DCN: variants seen among roughly 807,000 people sequenced by gnomAD.
DCN encodes decorin.
In DCN, 17 loss-of-function variants were observed where a neutral mutation model predicts 36.5. That is an observed-to-expected ratio of 0.47 (90% CI 0.32 to 0.70). The LOEUF (loss-of-function observed/expected upper bound fraction) is 0.70. Among genes scored for constraint, DCN ranks in the 30% least tolerant of loss-of-function variants. DCN has a pLI of 0.04. For missense variants in DCN, 389 were observed against 430.1 expected, an observed-to-expected ratio of 0.90 and a Z score of 0.84; for synonymous variants, 163 against 161.4, an observed-to-expected ratio of 1.01 and a Z score of -0.07.
At chr12:91,172,883 T>A (rs1463870606) in intron 2 of DCN, 13 of 613,426 alleles carry the variant, frequency 2.1e-5, no homozygotes, top group South Asian at 6.0e-5. Flanking sequence ...TGAAAAAAAA[T>A]AAAATAGATA....
At chr12:91,173,850 T>C (rs1883126891) in intron 2 of DCN, among the ~76,000 whole-genome samples, 2 of 152,224 alleles carry the variant, frequency 1.3e-5, no homozygotes. Context: ...GAAGCTGTAG[T>C]ACAATATGTC....
intron 2 of DCN, among the ~76,000 whole-genome samples, chr12:91,173,848 A>G (rs1486966313): frequency 6.6e-6 from 1 of 152,234 alleles, no homozygotes; most frequent in Non-Finnish European, 1.5e-5. Flanking sequence ...GAGAAGCTGT[A>G]GTACAATATG....
At chr12:91,147,819 G>A (rs894760797) in intron 7 of DCN, among the ~76,000 whole-genome samples, 3 of 152,160 alleles carry the variant, frequency 2.0e-5, no homozygotes, top group South Asian at 2.1e-4. Flanking sequence ...CATATTTTAC[G>A]TAATACGTTT....
chr12:91,176,992 C>T (rs946720559), intron 2 of DCN: 2 of 152,264 alleles, frequency 1.3e-5, no homozygotes, highest in Non-Finnish European at 2.9e-5. Flanking sequence ...ATACACAATT[C>T]AAAAAGTAAT....
At chr12:91,153,456 TAGA>T (rs3138260) in intron 5 of DCN, among the ~76,000 whole-genome samples, 2,588 of 152,192 alleles carry the variant, frequency 0.017, 67 homozygotes, top group African/African-American at 0.058. Flanking sequence ...GTTCTTGGAA[TAGA>T]AGAACTGAAG....
At position 91,146,000 on chromosome 12, in the gene DCN, T is replaced by C. The variant is rs1880983739; in HGVS notation, c.*58A>G. On this transcript the variant is annotated 3_prime_UTR_variant, in exon 8 of 8. Coordinates refer to ENST00000052754, the MANE Select transcript of DCN (RefSeq NM_001920.5). ...CCAGTATCTAGCTTTTATTTATTTT[T>C]TAGCAATGACATTAACAAGATTTTG... is the stretch of plus-strand genomic sequence containing the variant. 2 of 1,375,504 alleles carry C rather than the reference T, an allele frequency of 1.5e-6. No individual in the cohort carries two copies. Among genetic ancestry groups the C allele is most frequent in the African/African-American group, 2.9e-5 (2 of 69,990 alleles). 85.2% of individuals were successfully genotyped at this position (1,375,504 alleles called of 1,614,324 possible).
At chr12:91,172,887 A>G (rs1299056039) in intron 2 of DCN, 2 of 612,442 alleles carry the variant, frequency 3.3e-6, no homozygotes, top group Admixed American at 5.6e-5. Flanking sequence ...AAAAAATAAA[A>G]TAGATATATA....
chr12:91,178,553 G>T lies in DCN; in HGVS notation c.-1C>A, dbSNP rs751523402. 13 of 1,613,330 alleles carry T rather than the reference G, an allele frequency of 8.1e-6. No individual in the cohort carries two copies. Among genetic ancestry groups the T allele is most frequent in the Non-Finnish European group, 9.3e-6 (11 of 1,179,556 alleles). ...GAAGGAGGATGATAGTGGCCTTCAT[G>T]ATTTATCTCATGTATTTTCACAACC... On this transcript the variant is annotated 5_prime_UTR_variant, in exon 2 of 8. Transcript: ENST00000052754.
rs1555190656 is a variant in DCN at position 91,144,449 on chromosome 12, T to TGAAAAAGAGAA, written c.*1598_*1608dup. ...CATGAGAGGAGGATCTCTTGGGAGATGAAAAAGAGAAGAAAAAGAGAGGTT... is the reference window on the plus strand; with the variant it reads ...CATGAGAGGAGGATCTCTTGGGAGATGAAAAAGAGAAGAAAAAGAGAAGAAAAAGAGAGGTT... On this transcript the variant is annotated 3_prime_UTR_variant, in exon 8 of 8. Transcript: ENST00000052754. 3 of 151,950 alleles carry TGAAAAAGAGAA rather than the reference T, an allele frequency of 2.0e-5. No individual in the cohort carries two copies. The highest frequency in any genetic ancestry group is 4.8e-5 in the African/African-American group (2 of 41,362). The allele number at this position is 151,950 out of a possible 1,614,324, so 9.4% of individuals were successfully genotyped here. A position where few individuals can be genotyped will look rare whatever the true frequency, so the allele number is the denominator to read the frequency against.
intron 2 of DCN, chr12:91,176,103 T>C: frequency 6.6e-6 from 1 of 152,248 alleles, no homozygotes; most frequent in East Asian, 1.9e-4. Context: ...TTTGTTTTAT[T>C]TAAAGTCAAG....
At chr12:91,164,400 C>CAAAAAAAAAAAAAAA (rs5799980) in intron 3 of DCN, among the ~76,000 whole-genome samples, 3 of 78,906 alleles carry the variant, frequency 3.8e-5, no homozygotes, top group East Asian at 5.3e-4. Flanking sequence ...AAGCATAATT[C>CAAAAAAAAAAAAAAA]AAAAAAAAAA....
At chr12:91,148,135 G>A (rs559557219) in intron 7 of DCN, among the ~76,000 whole-genome samples, 1 of 150,436 alleles carries the variant, frequency 6.6e-6, no homozygotes, top group African/African-American at 2.4e-5. Flanking sequence ...GTGCGGTGTC[G>A]CAATCTCGGC....
chr12:91,146,528 G>C (rs1216070046), intron 7 of DCN, among the ~76,000 whole-genome samples: 1 of 151,096 alleles, frequency 6.6e-6, no homozygotes, highest in Non-Finnish European at 1.5e-5. Context: ...GCTAATTTTT[G>C]TTTTTAGTAG....
intron 2 of DCN, among the ~76,000 whole-genome samples, chr12:91,170,873 A>T (rs1882915134): frequency 1.3e-5 from 2 of 152,208 alleles, no homozygotes; most frequent in Admixed American, 1.3e-4. Flanking sequence ...CAAAAAATAT[A>T]AAAACAGATA....
At chr12:91,148,564 A>G (rs1222122597) in intron 7 of DCN, among the ~76,000 whole-genome samples, 1 of 151,630 alleles carries the variant, frequency 6.6e-6, no homozygotes, top group Non-Finnish European at 1.5e-5. Context: ...AAAAATACAA[A>G]AATTAGCATG....
intron 6 of DCN, 121 bp from the exon 7 acceptor site, chr12:91,151,913 G>T (rs1881458185): frequency 9.4e-7 from 1 of 1,069,096 alleles, no homozygotes; most frequent in Non-Finnish European, 1.4e-6. Context: ...ACTCTTCCCA[G>T]TTCTTGGAGT....
chr12:91,149,251 C>T (rs1209087044), intron 7 of DCN, among the ~76,000 whole-genome samples: 3 of 152,082 alleles, frequency 2.0e-5, no homozygotes, highest in Admixed American at 1.3e-4. Flanking sequence ...GCTATAGGAC[C>T]AAACATGATT....
In DCN at chr12:91,146,061, C is replaced by T; in HGVS notation, c.1077G>A (p.Lys359=). ...VRSAIQLGNY[K] The stretch of plus-strand genomic sequence containing the variant: ...AAAATGAGGGCTTTCTTGAGAATTA[C>T]TTATAGTTTCCGAGTTGAATGGCAG... The change falls in exon 8 of 8, where the codon AAG becomes AAA. Residue 359 remains lysine, a synonymous_variant. Coordinates refer to ENST00000052754, the MANE Select transcript of DCN (RefSeq NM_001920.5). 1.9e-6 allele frequency: 3 copies of T among 1,613,106 alleles called. No individual in the cohort carries two copies. Among genetic ancestry groups the T allele is most frequent in the East Asian group, 2.2e-5 (1 of 44,854 alleles).
chr12:91,156,695 CTTT>C (rs76405331), intron 5 of DCN, among the ~76,000 whole-genome samples: 3 of 142,444 alleles, frequency 2.1e-5, no homozygotes, highest in Non-Finnish European at 3.1e-5. Flanking sequence ...TCCCATATAT[CTTT>C]TTTTTTTTTT....
Sources: allele counts gnomAD v4.1 joint callset (sites outside exome capture counted in the v4.1 genomes callset), GRCh38; gene constraint gnomAD v4.1.1; transcripts MANE v1.5; gene names NCBI Gene and HGNC (gene_info 2026-07-23, HGNC 2026-07-21).